The following THUMPD2 variants were observed in gnomAD, a reference collection of about 807,000 sequenced individuals.
THUMPD2 encodes the protein THUMP domain 2 tRNA and snRNA guanosine methyltransferase.
Under a neutral mutation model 49.4 loss-of-function variants are expected in THUMPD2, and 56 were observed. The observed-to-expected ratio is 1.13, with a 90% confidence interval of 0.91 to 1.41. THUMPD2 has a LOEUF of 1.41. THUMPD2 is among the 40% of genes most tolerant of loss of function. The pLI is 0.00. For missense variants in THUMPD2, 709 were observed against 594.5 expected (o/e 1.19, Z -2.00); for synonymous variants, 237 against 205.2 (o/e 1.15, Z -1.32).
intron 2 of THUMPD2, 93 bp downstream of exon 2, chr2:39,771,412 A>AAAGTGTAAAATGGCTACATATTATC: frequency 7.9e-7 from 1 of 1,263,980 alleles, no homozygotes; most frequent in East Asian, 2.5e-5. Context: ...AATGAATATT[A>AAAGTGTAAAATGGCTACATATTATC]AAGTGTAAAA....
rs539137453 is a variant in THUMPD2, at chr2:39,769,519, T to C, written c.672+191A>G. 51 of 487,420 alleles carry C rather than the reference T, an allele frequency of 1.0e-4. No individual in the cohort carries two copies. In the South Asian group the frequency reaches 2.6e-3, roughly 25 times the overall value. 30.2% of individuals were successfully genotyped at this position (487,420 alleles called of 1,614,324 possible). On this transcript the variant is annotated intron_variant, in intron 3 of 9. Coordinates refer to ENST00000505747, the MANE Select transcript of THUMPD2 (RefSeq NM_025264.5). ...GAGTTCCAGACCAGCCTGACCAATA[T>C]GGTGAAACCCTGTCTCTACTAAAAA...
chr2:39,752,203 A>C (rs1265352551), intron 8 of THUMPD2, among the ~76,000 whole-genome samples: 1 of 152,206 alleles, frequency 6.6e-6, no homozygotes, highest in Non-Finnish European at 1.5e-5. Context: ...TGTGTTACAC[A>C]CTGTACTCTG....
At chr2:39,773,153 T>C (rs1558541952) in intron 1 of THUMPD2, among the ~76,000 whole-genome samples, 1 of 152,132 alleles carries the variant, frequency 6.6e-6, no homozygotes, top group East Asian at 1.9e-4. Context: ...GGTGACATTT[T>C]CCCAAAACTA....
At chr2:39,774,517 G>A (rs1678811560) in intron 1 of THUMPD2, among the ~76,000 whole-genome samples, 1 of 152,130 alleles carries the variant, frequency 6.6e-6, no homozygotes. Flanking sequence ...AGGACTTACT[G>A]TAGTTTAATA....
intron 1 of THUMPD2, among the ~76,000 whole-genome samples, chr2:39,777,829 T>A (rs1292959101): frequency 1.3e-5 from 2 of 152,236 alleles, no homozygotes; most frequent in Admixed American, 1.3e-4. Flanking sequence ...ATTTCATTTG[T>A]CTTTAGAGAA....
intron 6 of THUMPD2, among the ~76,000 whole-genome samples, chr2:39,756,951 GAAA>G (rs35726811): frequency 7.0e-6 from 1 of 142,662 alleles, no homozygotes; most frequent in Non-Finnish European, 1.5e-5. Flanking sequence ...TGGTATTGGA[GAAA>G]AAAAAAAAGA....
At chr2:39,759,528 C>T (rs754198225) in intron 6 of THUMPD2, among the ~76,000 whole-genome samples, 1 of 152,046 alleles carries the variant, frequency 6.6e-6, no homozygotes, top group African/African-American at 2.4e-5. Context: ...AAGCTTCCCA[C>T]CCAGAAAGTG....
intron 9 of THUMPD2, among the ~76,000 whole-genome samples, chr2:39,743,038 T>G (rs1213036407): frequency 6.6e-6 from 1 of 152,150 alleles, no homozygotes; most frequent in South Asian, 2.1e-4. Context: ...TAAAGAAGCA[T>G]GGGACACTCA....
intron 1 of THUMPD2, among the ~76,000 whole-genome samples, chr2:39,778,830 A>G (rs1001171992): frequency 1.3e-5 from 2 of 152,232 alleles, no homozygotes; most frequent in African/African-American, 4.8e-5. Flanking sequence ...TACAGGCACT[A>G]CTTACTACTT....
chr2:39,777,672 G>C (rs1679299713), intron 1 of THUMPD2, among the ~76,000 whole-genome samples: 1 of 152,124 alleles, frequency 6.6e-6, no homozygotes, highest in African/African-American at 2.4e-5. Context: ...TATTTGTTCA[G>C]ATCCCATTTC....
At chr2:39,770,146 T>C (rs1389789207) in intron 2 of THUMPD2, 27 bp from the exon 3 acceptor site, 1 of 1,427,068 alleles carries the variant, frequency 7.0e-7, no homozygotes. Flanking sequence ...TTGTTGATCC[T>C]CTATTGAAGC....
chr2:39,745,286 T>C (rs376186309), intron 8 of THUMPD2, among the ~76,000 whole-genome samples: 38 of 152,350 alleles, frequency 2.5e-4, no homozygotes, highest in African/African-American at 9.1e-4. Context: ...TTTCTGTTGG[T>C]AGGAAATTTA....
chr2:39,769,578 T>C (rs890041983), intron 3 of THUMPD2, 132 bp downstream of exon 3: 3 of 871,238 alleles, frequency 3.4e-6, no homozygotes, highest in Non-Finnish European at 5.0e-6. Context: ...GACGCACACC[T>C]GTGATCCCAG....
intron 8 of THUMPD2, among the ~76,000 whole-genome samples, chr2:39,744,989 A>G (rs189115057): frequency 6.6e-6 from 1 of 152,278 alleles, no homozygotes; most frequent in East Asian, 1.9e-4. Flanking sequence ...ATCAATAATC[A>G]ACACAATGAT....
Position 39,760,983 on chromosome 2 carries a change from T to C in THUMPD2, c.891+348A>G, listed in dbSNP as rs140920575. Among the ~76,000 whole-genome samples the C allele has an allele frequency of 5.5e-4, 84 of 152,268 alleles. 2 individuals carry two copies. In the East Asian group the frequency reaches 0.012, roughly 22 times the overall value. On this transcript the variant is annotated intron_variant, in intron 6 of 9. Transcript: ENST00000505747. ...AGAAGATAAAGTCATCTTATGTCCATAGAACATTTACAAAAATTGACCAAG... is the reference window on the plus strand; with the variant it reads ...AGAAGATAAAGTCATCTTATGTCCACAGAACATTTACAAAAATTGACCAAG...
rs546455211 is a variant in THUMPD2 at position 39,750,485 on chromosome 2, T to C, written c.1078+4810A>G. On this transcript the variant is annotated intron_variant, in intron 8 of 9. Transcript: ENST00000505747. ...AATTTGTTAGGCCAAGGCGGGTGGA[T>C]TGCCTGAGCTCAGGAGTTTGCGACC... Among the ~76,000 whole-genome samples, 155 of 152,318 alleles carry C rather than the reference T, an allele frequency of 1.0e-3. 1 individual carries two copies. The highest frequency in any genetic ancestry group is 3.4e-3 in the African/African-American group (142 of 41,578).
intron 5 of THUMPD2, among the ~76,000 whole-genome samples, chr2:39,764,673 T>C (rs1256862133): frequency 6.6e-6 from 1 of 152,234 alleles, no homozygotes. Flanking sequence ...GTTTCTGTTA[T>C]CCACTGTCAC....
chr2:39,776,945 A>T (rs1679190856), intron 1 of THUMPD2, among the ~76,000 whole-genome samples: 1 of 152,258 alleles, frequency 6.6e-6, no homozygotes, highest in African/African-American at 2.4e-5. Context: ...GTTCATGAAA[A>T]TTGGAAAAAC....
chr2:39,777,238 T>C (rs1444862395), intron 1 of THUMPD2, among the ~76,000 whole-genome samples: 2 of 152,138 alleles, frequency 1.3e-5, no homozygotes, highest in Non-Finnish European at 2.9e-5. Flanking sequence ...TCCAAGAAAA[T>C]TGAGGCTCAG....
Sources: gnomAD v4.1 joint callset for allele counts (sites outside exome capture counted in the v4.1 genomes callset) on GRCh38, gnomAD v4.1.1 for gene constraint, MANE v1.5 for transcripts, NCBI Gene and HGNC (gene_info 2026-07-23, HGNC 2026-07-21) for gene names.